The following OCA2 variants were observed in gnomAD, a reference collection of about 807,000 sequenced individuals.
OCA2 encodes the protein OCA2 melanosomal transmembrane protein.
Under a neutral mutation model 100.2 loss-of-function variants are expected in OCA2, and 77 were observed. The observed-to-expected ratio is 0.77, with a 90% CI of 0.64 to 0.93. The LOEUF (loss-of-function observed/expected upper bound fraction) is 0.93, where lower values mean the gene tolerates loss of function less well. Among genes scored for constraint, OCA2 ranks in the 40% least tolerant of loss-of-function variants. OCA2 has a pLI of 0.00. For synonymous variants in OCA2, 432 were observed against 439.2 expected (o/e 0.98, Z 0.21); for missense variants, 1,062 against 1,089.1 (o/e 0.98, Z 0.35).
intron 23 of OCA2, among the ~76,000 whole-genome samples, chr15:27,803,532 T>C (rs1195398576): frequency 6.6e-6 from 1 of 152,172 alleles, no homozygotes; most frequent in Non-Finnish European, 1.5e-5. Flanking sequence ...TACCTAGTAG[T>C]CAAGTTCATA....
chr15:28,056,494 G>C lies in OCA2; in HGVS notation c.228-24331C>G, dbSNP rs528032765. Among the ~76,000 whole-genome samples, 14 of 152,358 alleles carry C rather than the reference G, an allele frequency of 9.2e-5. No homozygotes were observed. In the East Asian group the frequency reaches 2.5e-3, roughly 27 times the overall value. On this transcript the variant is annotated intron_variant, in intron 2 of 23. Transcript: ENST00000354638. The stretch of plus-strand genomic sequence containing the variant: ...GTCAAGATGTAGGACCCTGCACTGG[G>C]AAAACGGTTGCCCTCCCTGCTCAGG...
chr15:27,855,973 C>T (rs1268762448), intron 21 of OCA2, among the ~76,000 whole-genome samples: 2 of 152,168 alleles, frequency 1.3e-5, no homozygotes, highest in Non-Finnish European at 2.9e-5. Flanking sequence ...GACTTCATTG[C>T]CGCACGGCTC....
At chr15:27,858,385 A>G (rs1355787569) in intron 21 of OCA2, among the ~76,000 whole-genome samples, 1 of 150,712 alleles carries the variant, frequency 6.6e-6, no homozygotes, top group African/African-American at 2.5e-5. Context: ...AAAAAGAAAG[A>G]AAGAAAAAAA....
intron 19 of OCA2, among the ~76,000 whole-genome samples, chr15:27,876,598 A>G (rs1367805047): frequency 6.6e-6 from 1 of 152,020 alleles, no homozygotes; most frequent in Non-Finnish European, 1.5e-5. Context: ...AATAATTTTA[A>G]TTACTAATTC....
intron 2 of OCA2, among the ~76,000 whole-genome samples, chr15:28,072,557 T>C (rs1595911710): frequency 1.6e-5 from 2 of 127,762 alleles, no homozygotes; most frequent in Non-Finnish European, 1.5e-5. Flanking sequence ...ATCACTGCAC[T>C]CCAGCCTGGG....
chr15:28,013,698 G>T (rs1705930241), intron 9 of OCA2, among the ~76,000 whole-genome samples: 1 of 152,086 alleles, frequency 6.6e-6, no homozygotes, highest in African/African-American at 2.4e-5. Flanking sequence ...CCCACTCCTG[G>T]GTTCCTCCAG....
intron 18 of OCA2, among the ~76,000 whole-genome samples, chr15:27,938,229 T>C (rs2039525241): frequency 6.6e-6 from 1 of 152,146 alleles, no homozygotes. Flanking sequence ...AATGGGCACG[T>C]TGGGGAGGGA....
intron 17 of OCA2, among the ~76,000 whole-genome samples, chr15:27,952,701 G>GAC (rs1278864669): frequency 0.01 from 1,528 of 150,534 alleles, 28 homozygotes; most frequent in African/African-American, 0.035. Flanking sequence ...CATTTTTTGA[G>GAC]ACAGTCTCAC....
chr15:28,051,942 C>G (rs2043531379), intron 2 of OCA2, among the ~76,000 whole-genome samples: 1 of 152,098 alleles, frequency 6.6e-6, no homozygotes, highest in Non-Finnish European at 1.5e-5. Context: ...GAGAAGAAAG[C>G]CAGCATTTGT....
chr15:27,746,355 G>A, the OCA2 span, among the ~76,000 whole-genome samples: 4 of 152,084 alleles, frequency 2.6e-5, no homozygotes, highest in Admixed American at 6.6e-5. Flanking sequence ...CAGCTACTCG[G>A]GAGGCTGAAA....
intron 21 of OCA2, among the ~76,000 whole-genome samples, chr15:27,858,695 G>C (rs1344803816): frequency 1.3e-5 from 2 of 151,954 alleles, no homozygotes; most frequent in African/African-American, 4.8e-5. Context: ...ATAGAACGTG[G>C]AAATATATGA....
chr15:27,951,808 C>T lies in OCA2; in HGVS notation c.1927G>A (p.Val643Ile). 3 of 1,613,188 alleles carry T rather than the reference C, an allele frequency of 1.9e-6. No individual in the cohort carries two copies. The highest frequency in any genetic ancestry group is 2.5e-6 in the Non-Finnish European group (3 of 1,179,176). Reference protein sequence around the residue: ...VIFMFFLNSFVPGIHLDLGWI... With the variant: ...VIFMFFLNSFIPGIHLDLGWI... ...CCAAGATCAAGATGAATGCCAGGGA[C>T]AAACGAATTGAGGAAAAACATGAAG... Residue 643 changes from valine (V) to isoleucine (I), a missense_variant, in exon 18 of 24, where the codon GTC (valine) becomes ATC (isoleucine). Coordinates refer to ENST00000354638, the MANE Select transcript of OCA2 (RefSeq NM_000275.3).
chr15:28,037,380 G>C (rs2141427556), intron 2 of OCA2, among the ~76,000 whole-genome samples: 1 of 152,190 alleles, frequency 6.6e-6, no homozygotes, highest in South Asian at 2.1e-4. Context: ...GCTGAGCAAT[G>C]AGGCCTTCTC....
chr15:27,854,058 C>G (rs966055193), intron 21 of OCA2, among the ~76,000 whole-genome samples: 2 of 152,240 alleles, frequency 1.3e-5, no homozygotes, highest in African/African-American at 4.8e-5. Context: ...CGTGTGTGCC[C>G]TCTGCTGCAT....
chr15:27,824,889 G>A (rs962226268), intron 23 of OCA2, among the ~76,000 whole-genome samples: 1 of 151,778 alleles, frequency 6.6e-6, no homozygotes, highest in African/African-American at 2.4e-5. Flanking sequence ...GGGGTTGCTT[G>A]GTCAGTTCAC....
At chr15:27,963,134 A>G (rs183299864) in intron 15 of OCA2, among the ~76,000 whole-genome samples, 43 of 152,346 alleles carry the variant, frequency 2.8e-4, no homozygotes, top group African/African-American at 1.0e-3. Context: ...AAATGCATAA[A>G]GCAAAATAAT....
intron 15 of OCA2, among the ~76,000 whole-genome samples, chr15:27,961,670 C>G (rs547268477): frequency 6.6e-6 from 1 of 152,166 alleles, no homozygotes; most frequent in Non-Finnish European, 1.5e-5. Context: ...AAGCTGGAAA[C>G]CATCATTCTC....
chr15:27,722,852 T>C, the OCA2 span, among the ~76,000 whole-genome samples: 25 of 148,166 alleles, frequency 1.7e-4, no homozygotes, highest in Non-Finnish European at 3.3e-4. Flanking sequence ...CTCTCTTTCT[T>C]TCTTTCTTTG....
intron 2 of OCA2, among the ~76,000 whole-genome samples, chr15:28,059,189 T>A (rs7171862): frequency 0.097 from 14,771 of 152,098 alleles, 849 homozygotes; most frequent in African/African-American, 0.16. Flanking sequence ...AGCAGAAGAC[T>A]GAGAAGGTGA....
Sources: allele counts gnomAD v4.1 joint callset (sites outside exome capture counted in the v4.1 genomes callset), GRCh38; gene constraint gnomAD v4.1.1; transcripts MANE v1.5; gene names NCBI Gene and HGNC (gene_info 2026-07-23, HGNC 2026-07-21).